The following ITGB1 variants were observed in gnomAD, a reference collection of about 807,000 sequenced individuals.
The protein encoded by ITGB1 is integrin beta-1.
In ITGB1, 24 loss-of-function variants were observed where a neutral mutation model predicts 86.5. The observed-to-expected ratio is 0.28, with a 90% CI of 0.20 to 0.39. The LOEUF is 0.39. Ranked by LOEUF, ITGB1 falls within the 10% of genes least tolerant of loss-of-function variation. The pLI is 1.00. For synonymous variants in ITGB1, 323 were observed against 316.8 expected, an observed-to-expected ratio of 1.02 and a Z score of -0.21; for missense variants, 556 against 946.9, an observed-to-expected ratio of 0.59 and a Z score of 5.42.
intron 1 of ITGB1, among the ~76,000 whole-genome samples, chr10:32,953,974 T>C (rs531035123): frequency 2.0e-5 from 3 of 152,230 alleles, no homozygotes; most frequent in Admixed American, 6.5e-5. Flanking sequence ...TAAATGCTTT[T>C]CTAGATTCCT....
At chr10:32,916,777 T>C (rs977920812) in intron 11 of ITGB1, among the ~76,000 whole-genome samples, 1 of 152,310 alleles carries the variant, frequency 6.6e-6, no homozygotes, top group South Asian at 2.1e-4. Context: ...CAAGGTAATT[T>C]AGAGATTCAA....
At chr10:32,920,737 C>A (rs1321421515) in intron 9 of ITGB1, among the ~76,000 whole-genome samples, 2 of 151,382 alleles carry the variant, frequency 1.3e-5, no homozygotes, top group Non-Finnish European at 2.9e-5. Context: ...CTTTGGGAGG[C>A]CAAGGTAGGT....
chr10:32,918,487 G>T (rs1334268281), intron 11 of ITGB1, among the ~76,000 whole-genome samples: 1 of 152,094 alleles, frequency 6.6e-6, no homozygotes, highest in Non-Finnish European at 1.5e-5. Context: ...AGTCACAGTC[G>T]TGTAGTAAAG....
chr10:32,928,408 A>T, intron 4 of ITGB1, 144 bp from the exon 5 acceptor site: 1 of 547,514 alleles, frequency 1.8e-6, no homozygotes, highest in South Asian at 2.8e-5. Context: ...TGGGAATTCC[A>T]TAAGTAACTC....
At chr10:32,921,388 T>A (rs746149080) in intron 9 of ITGB1, among the ~76,000 whole-genome samples, 5 of 152,250 alleles carry the variant, frequency 3.3e-5, no homozygotes, top group Non-Finnish European at 7.4e-5. Flanking sequence ...CCCCTCCAAG[T>A]CAGGCCTTTC....
At chr10:32,952,949 G>A (rs889865566) in intron 1 of ITGB1, among the ~76,000 whole-genome samples, 5 of 152,088 alleles carry the variant, frequency 3.3e-5, no homozygotes, top group Non-Finnish European at 5.9e-5. Context: ...CTCTCATCAG[G>A]CTAGTATTGG....
intron 7 of ITGB1, 30 bp from the exon 8 acceptor site, chr10:32,922,765 T>A: frequency 8.2e-7 from 1 of 1,219,322 alleles, no homozygotes; most frequent in Non-Finnish European, 1.2e-6. Flanking sequence ...AATTTAGTAT[T>A]TAAATACACC....
At position 32,946,756 on chromosome 10, in the gene ITGB1, G is replaced by A. The variant is rs552583108; in HGVS notation, c.1-11198C>T. 1.9e-4 allele frequency among the ~76,000 whole-genome samples: 20 copies of A among 106,950 alleles called. No individual in the cohort carries two copies. In the South Asian group the frequency reaches 6.1e-3, roughly 32 times the overall value. The allele number at this position is 106,950 out of a possible 152,430, so 70.2% of individuals were successfully genotyped here. A position where few individuals can be genotyped will look rare whatever the true frequency, so the allele number is the denominator to read the frequency against. On this transcript the variant is annotated intron_variant, in intron 1 of 15. Transcript: ENST00000302278. ...GTGGTTTGTATGTATTTCTGGGGGG[G>A]GGGGGGGGATTATTTTCCTTTTCTG...
chr10:32,914,503 G>C (rs953583824), intron 11 of ITGB1, among the ~76,000 whole-genome samples: 16 of 152,120 alleles, frequency 1.1e-4, no homozygotes, highest in Middle Eastern at 3.2e-3. Context: ...AAAAAAGGCA[G>C]TGGTTGCAAA....
At chr10:32,912,931 T>G (rs563021415) in intron 11 of ITGB1, among the ~76,000 whole-genome samples, 6 of 152,266 alleles carry the variant, frequency 3.9e-5, no homozygotes, top group Non-Finnish European at 8.8e-5. Context: ...GACTGACACC[T>G]CATACAGCCC....
chr10:32,939,485 T>C (rs1055179196), intron 1 of ITGB1, among the ~76,000 whole-genome samples: 4 of 152,162 alleles, frequency 2.6e-5, no homozygotes, highest in African/African-American at 9.7e-5. Flanking sequence ...CTCCTACACA[T>C]CCAGGCTCTA....
chr10:32,951,608 CA>C (rs1326359318), intron 1 of ITGB1: 1 of 152,152 alleles, frequency 6.6e-6, no homozygotes, highest in African/African-American at 2.4e-5. Flanking sequence ...CCAAAATGAG[CA>C]AAAAACCTGC....
chr10:32,912,814 T>C (rs10827160), intron 11 of ITGB1, among the ~76,000 whole-genome samples: 1 of 152,120 alleles, frequency 6.6e-6, no homozygotes, highest in Admixed American at 6.5e-5. Context: ...AAGAGAGTAG[T>C]GGTTCTCCCA....
At chr10:32,939,654 T>C (rs1470097669) in intron 1 of ITGB1, among the ~76,000 whole-genome samples, 1 of 152,114 alleles carries the variant, frequency 6.6e-6, no homozygotes, top group Non-Finnish European at 1.5e-5. Context: ...GATTTTAAAA[T>C]TGATGCACCT....
chr10:32,924,213 C>A (rs910481207), intron 6 of ITGB1, among the ~76,000 whole-genome samples: 1 of 152,156 alleles, frequency 6.6e-6, no homozygotes, highest in East Asian at 1.9e-4. Flanking sequence ...TTTATCAGCC[C>A]ACCATATGAG....
intron 3 of ITGB1, among the ~76,000 whole-genome samples, chr10:32,930,263 G>C (rs1465502938): frequency 6.6e-6 from 1 of 152,076 alleles, no homozygotes; most frequent in Non-Finnish European, 1.5e-5. Context: ...TCCCAGAACT[G>C]ACCCAAGTGT....
At chr10:32,906,949 C>T (rs3824602) in intron 15 of ITGB1, 64,089 of 497,020 alleles carry the variant, frequency 0.13, 4,912 homozygotes, top group East Asian at 0.33. Context: ...GCCACAATAG[C>T]GATATTTAAA....
intron 1 of ITGB1, chr10:32,953,667 T>A (rs1052513178): frequency 6.6e-6 from 1 of 152,118 alleles, no homozygotes; most frequent in African/African-American, 2.4e-5. Context: ...ATAGGGTAGA[T>A]GTGGAAACCA....
In ITGB1 at chr10:32,929,932, A is replaced by T. The variant is rs200363943; in HGVS notation, c.266T>A (p.Ile89Lys). The T allele has an allele frequency of 1.3e-6, 2 of 1,578,456 alleles. No homozygotes were observed. The highest frequency in any genetic ancestry group is 1.7e-6 in the Non-Finnish European group (2 of 1,147,530). Residue 89 changes from isoleucine to lysine, a missense_variant, in exon 4 of 16, where the codon ATA becomes AAA. Physicochemically the swap from Ile to Lys is moderately radical, Grantham distance 102. Transcript: ENST00000302278. ...GTTGGTTACATTTTTATTTTTCTTT[A>T]TATCTTTGGAGCCTCTGGGATTTTC... ...DIENPRGSKDIKKNKNVTNRS... is the reference protein window; with the variant it reads ...DIENPRGSKDKKKNKNVTNRS...
Sources: gnomAD v4.1 joint callset for allele counts (sites outside exome capture counted in the v4.1 genomes callset) on GRCh38, gnomAD v4.1.1 for gene constraint, MANE v1.5 for transcripts, NCBI Gene and HGNC (gene_info 2026-07-23, HGNC 2026-07-21) for gene names.